The following ACVR1 variants were observed in gnomAD, a reference collection of about 807,000 sequenced individuals.
ACVR1 encodes the protein activin receptor type-1.
Under a neutral mutation model 57.1 loss-of-function variants are expected in ACVR1, and 38 were observed. That is an observed-to-expected ratio of 0.67 (90% CI 0.51 to 0.87). The LOEUF (loss-of-function observed/expected upper bound fraction) is 0.87, where lower values mean the gene tolerates loss of function less well. Among genes scored for constraint, ACVR1 ranks in the 40% least tolerant of loss-of-function variants. ACVR1 has a pLI of 0.00. For missense variants in ACVR1, 463 were observed against 638.2 expected (o/e 0.73, Z 2.96); for synonymous variants, 212 against 228.1 (o/e 0.93, Z 0.63).
chr2:157,776,786 C>CT (rs1686305269), intron 5 of ACVR1, among the ~76,000 whole-genome samples: 1 of 152,222 alleles, frequency 6.6e-6, no homozygotes, highest in African/African-American at 2.4e-5. Context: ...ATAAGGGGAG[C>CT]TGCAGGGCAA....
intron 1 of ACVR1, chr2:157,819,496 CAA>C (rs3030654): frequency 0.81 from 102,652 of 127,460 alleles, 40,166 homozygotes; most frequent in Middle Eastern, 0.88. Context: ...AACTCTGTCT[CAA>C]AAAAAAAAAA....
In ACVR1 at chr2:157,744,343, G is replaced by T. The variant is rs530494481; in HGVS notation, c.1265-5773C>A. On this transcript the variant is annotated intron_variant, in intron 9 of 10. Transcript: ENST00000434821. ...AGAAAATGGCCCATATTTGGCATCT[G>T]AGAGCACTATAAGTGAATACAGTGT... Among the ~76,000 whole-genome samples the T allele has an allele frequency of 3.9e-5, 6 of 152,358 alleles. No individual in the cohort carries two copies. The South Asian group carries it at 1.0e-3, about 26-fold the overall frequency.
intron 9 of ACVR1, among the ~76,000 whole-genome samples, chr2:157,748,709 C>T (rs1344277710): frequency 2.0e-5 from 3 of 151,808 alleles, no homozygotes; most frequent in African/African-American, 7.3e-5. Flanking sequence ...ACTTTGATAC[C>T]CTCAGAAGGT....
At chr2:157,826,812 AAGGAAAGGGGAGAGGGGAG>A (rs1688396112) in intron 1 of ACVR1, among the ~76,000 whole-genome samples, 1 of 143,560 alleles carries the variant, frequency 7.0e-6, no homozygotes, top group African/African-American at 2.6e-5. Flanking sequence ...AGGAAAAGGA[AAGGAAAGGGGAGAGGGGAG>A]AGGGGAGAGG....
chr2:157,804,601 C>A (rs557315110), intron 2 of ACVR1, among the ~76,000 whole-genome samples: 2 of 152,276 alleles, frequency 1.3e-5, no homozygotes, highest in East Asian at 3.9e-4. Context: ...GTACGCACAT[C>A]TCCCTTCTGT....
intron 1 of ACVR1, among the ~76,000 whole-genome samples, chr2:157,853,198 G>T (rs1170790504): frequency 6.6e-6 from 1 of 152,106 alleles, no homozygotes; most frequent in Non-Finnish European, 1.5e-5. Flanking sequence ...GTCTACTCAG[G>T]CTGCCATAAT....
chr2:157,834,377 C>G (rs1029572988), intron 1 of ACVR1, among the ~76,000 whole-genome samples: 56 of 151,938 alleles, frequency 3.7e-4, no homozygotes, highest in African/African-American at 1.3e-3. Flanking sequence ...ATAGGCGTGA[C>G]CCACCATGCC....
At chr2:157,767,545 T>G (rs1685912420) in intron 7 of ACVR1, among the ~76,000 whole-genome samples, 1 of 152,138 alleles carries the variant, frequency 6.6e-6, no homozygotes, top group Admixed American at 6.5e-5. Context: ...GAAAAAAAAT[T>G]TTTTAAGACG....
At chr2:157,739,817 A>G (rs144941367) in intron 9 of ACVR1, among the ~76,000 whole-genome samples, 5 of 152,374 alleles carry the variant, frequency 3.3e-5, no homozygotes, top group East Asian at 3.9e-4. Context: ...AATGCTACAT[A>G]TCTTTTTAAA....
chr2:157,792,096 C>T (rs1328540136), intron 3 of ACVR1, among the ~76,000 whole-genome samples: 1 of 151,862 alleles, frequency 6.6e-6, no homozygotes, highest in South Asian at 2.1e-4. Context: ...TCATCCCCAC[C>T]CCAATCCCCC....
At chr2:157,822,876 C>A (rs1266720760) in intron 1 of ACVR1, among the ~76,000 whole-genome samples, 1 of 152,158 alleles carries the variant, frequency 6.6e-6, no homozygotes. Context: ...ACTGCAATAA[C>A]CTACATTCAG....
intron 1 of ACVR1, among the ~76,000 whole-genome samples, chr2:157,858,932 A>G (rs1400708319): frequency 6.6e-6 from 1 of 152,168 alleles, no homozygotes; most frequent in Non-Finnish European, 1.5e-5. Flanking sequence ...TTTTCTTCCG[A>G]CAACTCACCA....
At chr2:157,820,059 C>T (rs1225332845) in intron 1 of ACVR1, among the ~76,000 whole-genome samples, 2 of 152,094 alleles carry the variant, frequency 1.3e-5, no homozygotes, top group African/African-American at 2.4e-5. Flanking sequence ...CCTTGGAATT[C>T]GAGGGAAATG....
At chr2:157,842,702 C>A (rs1029115171) in intron 1 of ACVR1, among the ~76,000 whole-genome samples, 2 of 152,200 alleles carry the variant, frequency 1.3e-5, no homozygotes, top group African/African-American at 4.8e-5. Context: ...AAAGATGATG[C>A]AATTTACTCA....
intron 3 of ACVR1, among the ~76,000 whole-genome samples, chr2:157,789,693 T>C (rs1686837216): frequency 6.6e-6 from 1 of 152,214 alleles, no homozygotes; most frequent in Non-Finnish European, 1.5e-5. Flanking sequence ...CCTGACATGC[T>C]GGGATTCTAT....
intron 2 of ACVR1, among the ~76,000 whole-genome samples, chr2:157,812,919 A>G (rs569224995): frequency 6.3e-4 from 96 of 152,334 alleles, no homozygotes; most frequent in African/African-American, 2.3e-3. Context: ...AAGGATATAG[A>G]AAGTCTAGGG....
intron 1 of ACVR1, among the ~76,000 whole-genome samples, chr2:157,866,593 T>C (rs1023921826): frequency 1.3e-5 from 2 of 152,206 alleles, no homozygotes; most frequent in African/African-American, 2.4e-5. Context: ...TTTTATATCA[T>C]CTATGATACC....
intron 3 of ACVR1, among the ~76,000 whole-genome samples, chr2:157,797,108 C>G (rs992183502): frequency 6.6e-6 from 1 of 152,166 alleles, no homozygotes; most frequent in Non-Finnish European, 1.5e-5. Flanking sequence ...CAGCTTGTAT[C>G]TTACATTTAC....
intron 3 of ACVR1, among the ~76,000 whole-genome samples, chr2:157,790,856 C>T (rs969951070): frequency 1.3e-5 from 2 of 152,216 alleles, no homozygotes; most frequent in African/African-American, 4.8e-5. Flanking sequence ...CTTAATCTCT[C>T]CACAGTTCTC....
Sources: gnomAD v4.1 joint callset for allele counts (sites outside exome capture counted in the v4.1 genomes callset) on GRCh38, gnomAD v4.1.1 for gene constraint, MANE v1.5 for transcripts, NCBI Gene and HGNC (gene_info 2026-07-23, HGNC 2026-07-21) for gene names.